The following SLC4A4 variants were observed in gnomAD, a reference collection of about 807,000 sequenced individuals.
SLC4A4 encodes the protein solute carrier family 4 member 4, also known as electrogenic sodium bicarbonate cotransporter 1.
Under a neutral mutation model 111.5 loss-of-function variants are expected in SLC4A4, and 27 were observed. That is an observed-to-expected ratio of 0.24 (90% CI 0.18 to 0.33). SLC4A4 has a LOEUF of 0.33. SLC4A4 is among the 10% of genes least tolerant of loss of function. The probability of loss-of-function intolerance (pLI) is 1.00; values close to 1 mark genes in which losing one functional copy is unlikely to be tolerated. For missense variants in SLC4A4, 909 were observed against 1,315.5 expected, an observed-to-expected ratio of 0.69 and a Z score of 4.78; for synonymous variants, 443 against 463.4, an observed-to-expected ratio of 0.96 and a Z score of 0.57.
intron 2 of SLC4A4, among the ~76,000 whole-genome samples, chr4:71,245,364 T>A (rs906451515): frequency 6.6e-6 from 1 of 152,168 alleles, no homozygotes; most frequent in African/African-American, 2.4e-5. Context: ...GGAGACAGTG[T>A]CCCAAGAGGG....
At chr4:71,083,323 T>C (rs1742046320) in intron 1 of SLC4A4, among the ~76,000 whole-genome samples, 1 of 151,968 alleles carries the variant, frequency 6.6e-6, no homozygotes, top group African/African-American at 2.4e-5. Context: ...TCCATGTTCA[T>C]ACATTAGATG....
chr4:71,071,267 T>TA (rs149294430), intron 1 of SLC4A4, among the ~76,000 whole-genome samples: 104,962 of 139,084 alleles, frequency 0.75, 39,433 homozygotes, highest in East Asian at 0.82. Context: ...GAGACCGTCT[T>TA]AAAAAAAAAA....
intron 7 of SLC4A4, among the ~76,000 whole-genome samples, chr4:71,425,174 C>T (rs991033974): frequency 6.6e-6 from 1 of 152,060 alleles, no homozygotes; most frequent in Non-Finnish European, 1.5e-5. Flanking sequence ...CACGCAAGCC[C>T]TGTCCTCAGC....
In SLC4A4 at chr4:71,106,343, A is replaced by G. The variant is rs1261532492; in HGVS notation, c.-2+13551A>G. Among the ~76,000 whole-genome samples, 6 of 151,360 alleles carry G rather than the reference A, an allele frequency of 4.0e-5. No homozygotes were observed. In the South Asian group the frequency reaches 1.0e-3, roughly 26 times the overall value. The stretch of plus-strand genomic sequence containing the variant: ...GTTGGTGGGATTGTAAACTAGTTCA[A>G]CCGTTGTGGAAGTCAGTGTGGCGAC... On this transcript the variant is annotated intron_variant, in intron 2 of 26. Transcript: ENST00000649996.
intron 2 of SLC4A4, among the ~76,000 whole-genome samples, chr4:71,177,849 T>C (rs1188176810): frequency 6.6e-6 from 1 of 152,088 alleles, no homozygotes; most frequent in African/African-American, 2.4e-5. Context: ...TCTACGGAAC[T>C]CTCCACCCCA....
intron 2 of SLC4A4, among the ~76,000 whole-genome samples, chr4:71,108,739 C>T (rs1349203125): frequency 1.3e-5 from 2 of 151,836 alleles, no homozygotes; most frequent in East Asian, 3.8e-4. Flanking sequence ...CAACCCCTTT[C>T]TCTCTCTCTC....
intron 17 of SLC4A4, among the ~76,000 whole-genome samples, chr4:71,532,495 A>G (rs752559662): frequency 5.9e-5 from 9 of 152,080 alleles, no homozygotes; most frequent in Admixed American, 3.3e-4. Context: ...ACGTATTGTA[A>G]CTATCATCCT....
intron 3 of SLC4A4, among the ~76,000 whole-genome samples, chr4:71,267,923 TA>T (rs1722407948): frequency 6.6e-6 from 1 of 152,020 alleles, no homozygotes; most frequent in African/African-American, 2.4e-5. Context: ...TACTGATTTT[TA>T]ACCTGAGTTT....
intron 2 of SLC4A4, among the ~76,000 whole-genome samples, chr4:71,128,695 G>A (rs1209764120): frequency 2.6e-5 from 4 of 151,996 alleles, no homozygotes; most frequent in African/African-American, 9.7e-5. Flanking sequence ...TGCTATGTTG[G>A]CCAGGCTGGT....
At chr4:71,414,573 T>G (rs143291857) in intron 7 of SLC4A4, among the ~76,000 whole-genome samples, 3 of 152,362 alleles carry the variant, frequency 2.0e-5, no homozygotes, top group African/African-American at 7.2e-5. Flanking sequence ...CTTGAACTTT[T>G]TAAGAGAGAA....
intron 6 of SLC4A4, among the ~76,000 whole-genome samples, chr4:71,391,842 A>C (rs923090857): frequency 1.3e-5 from 2 of 152,008 alleles, no homozygotes; most frequent in Non-Finnish European, 2.9e-5. Context: ...TGTAGCTTTG[A>C]GTGGATGAAA....
At chr4:71,165,206 T>C (rs1254446603) in intron 2 of SLC4A4, among the ~76,000 whole-genome samples, 3 of 152,250 alleles carry the variant, frequency 2.0e-5, no homozygotes, top group Non-Finnish European at 4.4e-5. Context: ...TTACTGGGTA[T>C]ATACCCAAAG....
At chr4:71,112,817 G>A (rs532363837) in intron 2 of SLC4A4, among the ~76,000 whole-genome samples, 25 of 152,314 alleles carry the variant, frequency 1.6e-4, no homozygotes, top group African/African-American at 5.3e-4. Context: ...GAACCACTGC[G>A]TTAGGTAATT....
chr4:71,401,212 G>T (rs1428266707), intron 7 of SLC4A4, among the ~76,000 whole-genome samples: 1 of 152,120 alleles, frequency 6.6e-6, no homozygotes, highest in East Asian at 1.9e-4. Context: ...ATTCTGTTTT[G>T]GGAAAACAGA....
At chr4:71,266,734 G>A (rs1051337669) in intron 3 of SLC4A4, among the ~76,000 whole-genome samples, 5 of 152,152 alleles carry the variant, frequency 3.3e-5, no homozygotes, top group East Asian at 3.8e-4. Flanking sequence ...TGGGGCAGGC[G>A]CCTGGCTAGC....
intron 3 of SLC4A4, among the ~76,000 whole-genome samples, chr4:71,297,510 A>G: frequency 3.1e-5 from 1 of 31,888 alleles, no homozygotes; most frequent in East Asian, 4.3e-4. Flanking sequence ...ACACAGACAA[A>G]CACACACACA....
At chr4:71,086,762 A>G (rs1186911104) in intron 1 of SLC4A4, among the ~76,000 whole-genome samples, 2 of 151,984 alleles carry the variant, frequency 1.3e-5, no homozygotes, top group Admixed American at 6.5e-5. Flanking sequence ...AGCCCACTTG[A>G]TCGTGGTAGA....
intron 1 of SLC4A4, among the ~76,000 whole-genome samples, chr4:71,084,338 A>T (rs1196075152): frequency 6.6e-6 from 1 of 151,940 alleles, no homozygotes; most frequent in African/African-American, 2.4e-5. Context: ...CTTATCTGCA[A>T]CCTCCACGAA....
intron 18 of SLC4A4, among the ~76,000 whole-genome samples, chr4:71,539,075 G>T (rs1165164272): frequency 6.6e-6 from 1 of 152,056 alleles, no homozygotes; most frequent in South Asian, 2.1e-4. Flanking sequence ...CAACCAATTT[G>T]CTCTGATATC....
Sources: gnomAD v4.1 joint callset for allele counts (sites outside exome capture counted in the v4.1 genomes callset) on GRCh38, gnomAD v4.1.1 for gene constraint, MANE v1.5 for transcripts, NCBI Gene and HGNC (gene_info 2026-07-23, HGNC 2026-07-21) for gene names.